The following VTI1A variants were observed in gnomAD, a reference collection of about 807,000 sequenced individuals.
The protein encoded by VTI1A is vesicle transport through interaction with t-SNAREs 1A.
VTI1A carries 22 observed loss-of-function variants against 34.9 expected under a neutral mutation model. The ratio of observed to expected loss-of-function variants is 0.63; its 90% CI spans 0.45 to 0.90. VTI1A has a LOEUF of 0.90. VTI1A is among the 40% of genes least tolerant of loss of function. The pLI is 0.00. For synonymous variants in VTI1A, 87 were observed against 97.3 expected (o/e 0.89, Z 0.62); for missense variants, 268 against 275.6 (o/e 0.97, Z 0.20).
intron 5 of VTI1A, among the ~76,000 whole-genome samples, chr10:112,608,911 G>C (rs1259363716): frequency 6.6e-6 from 1 of 152,090 alleles, no homozygotes; most frequent in Non-Finnish European, 1.5e-5. Flanking sequence ...ATTAGCATGT[G>C]TCTGTTCCTG....
At chr10:112,673,897 T>G (rs1847945263) in intron 7 of VTI1A, among the ~76,000 whole-genome samples, 1 of 152,200 alleles carries the variant, frequency 6.6e-6, no homozygotes, top group Admixed American at 6.5e-5. Context: ...GGTTTATTCT[T>G]ACATATGCCA....
intron 7 of VTI1A, among the ~76,000 whole-genome samples, chr10:112,700,117 C>CAAAAAAAAAAAAA (rs1201699870): frequency 2.5e-5 from 1 of 40,442 alleles, no homozygotes; most frequent in Non-Finnish European, 5.8e-5. Context: ...GACTCCATCT[C>CAAAAAAAAAAAAA]AAAAAAAAAA....
intron 3 of VTI1A, among the ~76,000 whole-genome samples, chr10:112,483,339 A>T (rs529813912): frequency 5.9e-5 from 9 of 152,304 alleles, no homozygotes; most frequent in Admixed American, 5.2e-4. Context: ...AGTGAGGAAG[A>T]TTGCACGACA....
chr10:112,589,505 T>C (rs1844299789), intron 5 of VTI1A, among the ~76,000 whole-genome samples: 1 of 152,188 alleles, frequency 6.6e-6, no homozygotes, highest in South Asian at 2.1e-4. Context: ...GTCTTGGGTA[T>C]GTCTTTATCA....
intron 5 of VTI1A, among the ~76,000 whole-genome samples, chr10:112,547,839 T>C (rs1267695014): frequency 6.6e-6 from 1 of 152,210 alleles, no homozygotes; most frequent in Non-Finnish European, 1.5e-5. Flanking sequence ...CCACTTTGTT[T>C]GTTTTTGTTT....
intron 3 of VTI1A, among the ~76,000 whole-genome samples, chr10:112,513,422 T>G (rs1267992399): frequency 6.6e-6 from 1 of 152,038 alleles, no homozygotes; most frequent in Non-Finnish European, 1.5e-5. Context: ...TTTATCAGTT[T>G]TAACAGTTTT....
At chr10:112,607,536 G>A (rs1462709544) in intron 5 of VTI1A, among the ~76,000 whole-genome samples, 1 of 152,154 alleles carries the variant, frequency 6.6e-6, no homozygotes, top group African/African-American at 2.4e-5. Context: ...TGGGAAGGTA[G>A]GAAAGATTTT....
intron 3 of VTI1A, among the ~76,000 whole-genome samples, chr10:112,483,672 T>C (rs1438142795): frequency 6.6e-6 from 1 of 152,024 alleles, no homozygotes; most frequent in Non-Finnish European, 1.5e-5. Context: ...CCAACCCCAG[T>C]CATGGCAATC....
rs11814434 is a variant in VTI1A, at chr10:112,706,549, T to C, written c.560+37551T>C. Among the ~76,000 whole-genome samples the C allele has an allele frequency of 5.2e-3, 797 of 152,240 alleles. 7 individuals carry two copies. The highest frequency in any genetic ancestry group is 0.018 in the African/African-American group (767 of 41,522). ...TACAGACTAGATTAAAGGGATATAA[T>C]CTCTAAATTAAGTAGGAAAGAGACA... On this transcript the variant is annotated intron_variant, in intron 7 of 7. Coordinates refer to ENST00000393077, the MANE Select transcript of VTI1A (RefSeq NM_145206.4).
chr10:112,615,664 G>T (rs1845487515), intron 5 of VTI1A, among the ~76,000 whole-genome samples: 1 of 152,142 alleles, frequency 6.6e-6, no homozygotes, highest in South Asian at 2.1e-4. Context: ...TGTAATAGGG[G>T]ATCTTGATCT....
At chr10:112,815,137 G>GCGCGCA (rs1554965929) in intron 7 of VTI1A, among the ~76,000 whole-genome samples, 153 bp from the exon 8 acceptor site, 3 of 77,476 alleles carry the variant, frequency 3.9e-5, no homozygotes, top group African/African-American at 1.3e-4. Flanking sequence ...TCTTTCGCGC[G>GCGCGCA]CGCACACACA....
At chr10:112,503,048 A>T (rs889603384) in intron 3 of VTI1A, among the ~76,000 whole-genome samples, 1 of 152,268 alleles carries the variant, frequency 6.6e-6, no homozygotes, top group African/African-American at 2.4e-5. Flanking sequence ...TGATAATTTT[A>T]TATATTTATA....
chr10:112,574,353 A>T (rs1487345004), intron 5 of VTI1A, among the ~76,000 whole-genome samples: 1 of 152,194 alleles, frequency 6.6e-6, no homozygotes, highest in African/African-American at 2.4e-5. Context: ...CTTAGGAAAA[A>T]CTTGTTCCAC....
At chr10:112,531,111 A>ACGAG in intron 4 of VTI1A, among the ~76,000 whole-genome samples, 1 of 121,448 alleles carries the variant, frequency 8.2e-6, no homozygotes, top group African/African-American at 2.8e-5. Flanking sequence ...ACACGTGCGC[A>ACGAG]CGTGCGCGCG....
intron 7 of VTI1A, among the ~76,000 whole-genome samples, chr10:112,699,240 T>A (rs1407155936): frequency 6.6e-6 from 1 of 152,226 alleles, no homozygotes; most frequent in Non-Finnish European, 1.5e-5. Context: ...GTATCTTAGC[T>A]CAGGCTGCTA....
intron 3 of VTI1A, among the ~76,000 whole-genome samples, chr10:112,480,465 G>A (rs1323365218): frequency 3.9e-5 from 6 of 152,100 alleles, no homozygotes; most frequent in Non-Finnish European, 1.5e-5. Flanking sequence ...AATTACAGAG[G>A]TACAGATGGG....
At chr10:112,571,095 T>C (rs1852099568) in intron 5 of VTI1A, among the ~76,000 whole-genome samples, 1 of 152,232 alleles carries the variant, frequency 6.6e-6, no homozygotes, top group Non-Finnish European at 1.5e-5. Flanking sequence ...TTATGGTTTA[T>C]GGGTATTTAT....
chr10:112,479,026 G>A (rs1848375804), intron 3 of VTI1A, among the ~76,000 whole-genome samples: 1 of 152,154 alleles, frequency 6.6e-6, no homozygotes, highest in Admixed American at 6.5e-5. Flanking sequence ...AATTAGCCAG[G>A]CGTGGTGGCA....
At chr10:112,497,775 C>G (rs150666569) in intron 3 of VTI1A, among the ~76,000 whole-genome samples, 117 of 152,268 alleles carry the variant, frequency 7.7e-4, no homozygotes, top group African/African-American at 2.6e-3. Context: ...ACTGATTCAC[C>G]TTACTTTACC....
Sources: gnomAD v4.1 joint callset for allele counts (sites outside exome capture counted in the v4.1 genomes callset) on GRCh38, gnomAD v4.1.1 for gene constraint, MANE v1.5 for transcripts, NCBI Gene and HGNC (gene_info 2026-07-23, HGNC 2026-07-21) for gene names.